The following UPP2 variants were observed in gnomAD, a reference collection of about 807,000 sequenced individuals.
UPP2 encodes uridine phosphorylase 2.
A neutral mutation model predicts 26.7 loss-of-function variants in UPP2; 23 were observed. That is an observed-to-expected ratio of 0.86 (90% CI 0.62 to 1.22). UPP2 has a LOEUF of 1.22. Ranked by LOEUF, UPP2 falls within the 50% of genes most tolerant of loss-of-function variation. The probability of loss-of-function intolerance (pLI) is 0.00; values close to 1 mark genes in which losing one functional copy is unlikely to be tolerated. For missense variants in UPP2, 387 were observed against 396.7 expected (o/e 0.98, Z 0.21); for synonymous variants, 127 against 141.3 (o/e 0.90, Z 0.72).
intron 3 of UPP2, among the ~76,000 whole-genome samples, chr2:158,096,012 G>A (rs1179334264): frequency 6.6e-6 from 1 of 152,124 alleles, no homozygotes; most frequent in Non-Finnish European, 1.5e-5. Context: ...TTGAAGTCAA[G>A]TACATGCAGA....
intron 2 of UPP2, among the ~76,000 whole-genome samples, chr2:158,004,096 G>T (rs1290956689): frequency 6.6e-6 from 1 of 152,056 alleles, no homozygotes; most frequent in Admixed American, 6.6e-5. Flanking sequence ...ATTATCCCAT[G>T]GGAGAAAAGC....
chr2:158,113,763 C>T (rs1408045491), intron 2 of UPP2, among the ~76,000 whole-genome samples: 1 of 152,098 alleles, frequency 6.6e-6, no homozygotes, highest in Non-Finnish European at 1.5e-5. Context: ...CCTTGTCAGC[C>T]CTCCCAGTCC....
At chr2:158,093,343 A>G (rs1381975960) in intron 3 of UPP2, among the ~76,000 whole-genome samples, 2 of 152,038 alleles carry the variant, frequency 1.3e-5, no homozygotes, top group African/African-American at 2.4e-5. Flanking sequence ...GTAAAAATAT[A>G]TCAGGAATCA....
chr2:158,097,605 G>A (rs78890584), upstream of UPP2, among the ~76,000 whole-genome samples: 2,173 of 152,268 alleles, frequency 0.014, 162 homozygotes, highest in East Asian at 0.23. Context: ...ACAGGAGCTT[G>A]CAGTCCTTTG....
rs940280829 is a variant in UPP2, at chr2:158,102,043, A to T, written c.-21A>T. 6.2e-7 allele frequency: 1 copy of T among 1,612,394 alleles called. No homozygotes were observed. The highest frequency in any genetic ancestry group is 1.3e-5 in the African/African-American group (1 of 74,890). ...TCTTTCTTGACATCAATTTAAGGTG[A>T]CTTTTCACATAGTAGAGAGAATGGC... On this transcript the variant is annotated 5_prime_UTR_variant, in exon 1 of 7. Coordinates refer to ENST00000005756, the MANE Select transcript of UPP2 (RefSeq NM_173355.4).
At chr2:158,100,706 CTCATAGTCA>C (rs1266073077), upstream of UPP2, among the ~76,000 whole-genome samples, 3 of 152,174 alleles carry the variant, frequency 2.0e-5, no homozygotes, top group Non-Finnish European at 4.4e-5. Context: ...ACTATTTTGC[CTCATAGTCA>C]TCATTACCTT....
intron 3 of UPP2, among the ~76,000 whole-genome samples, chr2:158,061,650 T>C (rs889841342): frequency 6.6e-6 from 1 of 152,238 alleles, no homozygotes; most frequent in Non-Finnish European, 1.5e-5. Flanking sequence ...CAACAGACAG[T>C]ATCACTGTCT....
chr2:158,057,737 C>CT (rs112613974), intron 3 of UPP2, among the ~76,000 whole-genome samples: 41,596 of 146,956 alleles, frequency 0.28, 7,165 homozygotes, highest in Non-Finnish European at 0.39. Context: ...GATTCAGATT[C>CT]TTTTTTGTTT....
chr2:158,056,557 A>C (rs1406300755), intron 3 of UPP2, among the ~76,000 whole-genome samples: 1 of 152,216 alleles, frequency 6.6e-6, no homozygotes, highest in Non-Finnish European at 1.5e-5. Context: ...GCTCCCTCTG[A>C]AACCTGTAGG....
At chr2:158,050,655 G>C (rs1279237270) in intron 3 of UPP2, among the ~76,000 whole-genome samples, 3 of 152,074 alleles carry the variant, frequency 2.0e-5, no homozygotes, top group Admixed American at 6.5e-5. Flanking sequence ...AGAGTAAGAT[G>C]GATCTGGCAT....
chr2:158,043,692 C>T (rs1366730284), intron 3 of UPP2, among the ~76,000 whole-genome samples: 3 of 152,164 alleles, frequency 2.0e-5, no homozygotes, highest in African/African-American at 4.8e-5. Context: ...ATGCAGACAA[C>T]ACAGAATTCA....
chr2:158,102,502 A>T (rs1215554092), intron 1 of UPP2, among the ~76,000 whole-genome samples: 1 of 152,224 alleles, frequency 6.6e-6, no homozygotes, highest in Admixed American at 6.5e-5. Flanking sequence ...AGGGCCTCCC[A>T]GTGCCTGAGG....
At chr2:158,036,324 G>T (rs1683999171) in intron 3 of UPP2, among the ~76,000 whole-genome samples, 1 of 152,018 alleles carries the variant, frequency 6.6e-6, no homozygotes, top group Non-Finnish European at 1.5e-5. Context: ...TGAAAAGCAG[G>T]GTGGGCAAAT....
intron 2 of UPP2, among the ~76,000 whole-genome samples, chr2:158,008,935 G>A (rs1051409414): frequency 6.6e-6 from 1 of 152,166 alleles, no homozygotes; most frequent in East Asian, 1.9e-4. Context: ...ATTGGTGGCA[G>A]CTGTTCCTTA....
chr2:157,996,111 T>G (rs902267061), intron 2 of UPP2, among the ~76,000 whole-genome samples: 2 of 152,174 alleles, frequency 1.3e-5, no homozygotes, highest in African/African-American at 4.8e-5. Context: ...TCAACCAAGG[T>G]GCATACTTTG....
chr2:158,023,914 C>T (rs1683794875), intron 3 of UPP2, among the ~76,000 whole-genome samples: 1 of 152,160 alleles, frequency 6.6e-6, no homozygotes, highest in African/African-American at 2.4e-5. Context: ...CTCTCTTCAG[C>T]TCTGGATCCC....
chr2:158,039,457 C>T (rs1020998161), intron 3 of UPP2, among the ~76,000 whole-genome samples: 1 of 152,214 alleles, frequency 6.6e-6, no homozygotes, highest in Non-Finnish European at 1.5e-5. Flanking sequence ...TATAACCAAC[C>T]TTTTATGAAA....
chr2:158,032,787 T>A (rs1418473517), intron 3 of UPP2, among the ~76,000 whole-genome samples: 1 of 152,208 alleles, frequency 6.6e-6, no homozygotes, highest in Non-Finnish European at 1.5e-5. Context: ...GTTATTGAAG[T>A]AAATCCTCTA....
In UPP2 at chr2:158,034,983, A is replaced by G. The variant is rs552188721; in HGVS notation, c.147+19097A>G. Reference sequence around the variant, plus strand: ...GAGCCCCATTTCTGGCCTGGCATCAAATGGGGTTCTTGAAGATGTGAAGCA... The same window carrying G: ...GAGCCCCATTTCTGGCCTGGCATCAGATGGGGTTCTTGAAGATGTGAAGCA... On this transcript the variant is annotated intron_variant, in intron 3 of 9. Transcript: ENST00000605860. Among the ~76,000 whole-genome samples, 4 of 152,196 alleles carry G rather than the reference A, an allele frequency of 2.6e-5. No homozygotes were observed. The South Asian group carries it at 8.3e-4, about 32-fold the overall frequency.
Sources: allele counts gnomAD v4.1 joint callset (sites outside exome capture counted in the v4.1 genomes callset), GRCh38; gene constraint gnomAD v4.1.1; transcripts MANE v1.5; gene names NCBI Gene and HGNC (gene_info 2026-07-23, HGNC 2026-07-21).